Variants in CDH5 observed in about 807,000 individuals in gnomAD.
CDH5 encodes the protein cadherin-5.
Under a neutral mutation model 62.0 loss-of-function variants are expected in CDH5, and 28 were observed. The observed-to-expected ratio is 0.45, with a 90% CI of 0.33 to 0.62. The LOEUF is 0.62. CDH5 is among the 20% of genes least tolerant of loss of function. The pLI is 0.02. For missense variants in CDH5, 940 were observed against 1,065.1 expected, an observed-to-expected ratio of 0.88 and a Z score of 1.63; for synonymous variants, 464 against 445.8, an observed-to-expected ratio of 1.04 and a Z score of -0.52.
At position 66,386,701 on chromosome 16, in the gene CDH5, C is replaced by CATGATCTAACT. The variant is rs1960988926; in HGVS notation, c.211-108_211-107insATGATCTAACT. The CATGATCTAACT allele has an allele frequency of 5.2e-5, 51 of 976,104 alleles. No homozygotes were observed. The African/African-American group carries it at 7.0e-4, about 13-fold the overall frequency. 60.5% of individuals were successfully genotyped at this position (976,104 alleles called of 1,614,324 possible). On this transcript the variant is annotated intron_variant, in intron 2 of 11. Transcript: ENST00000341529. ...GGGACCCTGGCCAGCACCACACACA[C>CATGATCTAACT]CACATACACACATGCACAGGCACAC...
Position 66,387,022 on chromosome 16 carries a change from C to A in CDH5, c.424C>A (p.His142Asn). Residue 142 changes from histidine (H) to asparagine (N), a missense_variant, in exon 3 of 12, where the codon CAT becomes AAT. Coordinates refer to ENST00000341529, the MANE Select transcript of CDH5 (RefSeq NM_001795.5). ...ETPSSFTIKV[H>N]DVNDNWPVFT... The stretch of plus-strand genomic sequence containing the variant: ...TCCTTCCAGCTTCACCATCAAAGTT[C>A]ATGACGTGAACGACAACTGGCCTGT... The A allele has an allele frequency of 6.2e-7, 1 of 1,614,206 alleles. No homozygotes were observed.
chr16:66,402,675 C>G lies in CDH5; in HGVS notation c.1861C>G (p.Arg621Gly), dbSNP rs201864402. Residue 621 changes from arginine to glycine, a missense_variant, in exon 12 of 12, where the codon CGG (arginine) becomes GGG (glycine). Physicochemically the swap from Arg to Gly is moderately radical, Grantham distance 125. Transcript: ENST00000341529. ...AGTGATCACCCTGCTCATCTTCCTGCGGCGGCGGCTCCGGAAGCAGGCCCG... is the reference window on the plus strand; with the variant it reads ...AGTGATCACCCTGCTCATCTTCCTGGGGCGGCGGCTCCGGAAGCAGGCCCG... ...ITVITLLIFL[R>G]RRLRKQARAH... The G allele has an allele frequency of 4.4e-6, 7 of 1,600,822 alleles. No homozygotes were observed. Among genetic ancestry groups the G allele is most frequent in the Non-Finnish European group, 6.0e-6 (7 of 1,175,186 alleles).
rs1193584745 is a variant in CDH5, at chr16:66,392,261, T to A, written c.1095T>A (p.Asp365Glu). The change falls in exon 7 of 12, where the codon GAT becomes GAA. Residue 365 changes from aspartate (D) to glutamate (E), a missense_variant. Transcript: ENST00000341529. ...CCCAGGTCATTATCAACATCACAGATGTGGACGAGCCCCCCATTTTCCAGC... is the reference window on the plus strand; with the variant it reads ...CCCAGGTCATTATCAACATCACAGAAGTGGACGAGCCCCCCATTTTCCAGC... ...NRAQVIINITDVDEPPIFQQP... is the reference protein window; with the variant it reads ...NRAQVIINITEVDEPPIFQQP... The A allele has an allele frequency of 6.2e-7, 1 of 1,613,920 alleles. No individual in the cohort carries two copies. Among genetic ancestry groups the A allele is most frequent in the Non-Finnish European group, 8.5e-7 (1 of 1,180,010 alleles).
Position 66,389,531 on chromosome 16 carries a change from C to T in CDH5, c.781+9C>T. The T allele has an allele frequency of 1.9e-6, 3 of 1,575,544 alleles. No homozygotes were observed. Among genetic ancestry groups the T allele is most frequent in the Middle Eastern group, 1.8e-4 (1 of 5,638 alleles). ...CCCCTTCTTCACCCAGAGTGAGCCC[C>T]TCCTCTAGGGCCCTGGGAAGGGGGG... is the stretch of plus-strand genomic sequence containing the variant. On this transcript the variant is annotated intron_variant, in intron 5 of 11. Coordinates refer to ENST00000341529, the MANE Select transcript of CDH5 (RefSeq NM_001795.5).
At chr16:66,378,139 A>G (rs1047368817) in intron 1 of CDH5, among the ~76,000 whole-genome samples, 2 of 152,206 alleles carry the variant, frequency 1.3e-5, no homozygotes, top group Non-Finnish European at 2.9e-5. Context: ...GCTGGCCCTC[A>G]GGGTTAAGAC....
In CDH5 at chr16:66,403,697, A is replaced by C; in HGVS notation, c.*528A>C. On this transcript the variant is annotated 3_prime_UTR_variant, in exon 12 of 12. Transcript: ENST00000341529. The surrounding 1 kb of genome is among the most constrained non-coding windows in gnomAD (Gnocchi z 4.3). ...GGAGCCCTAGCCCTGCTCCAACTCC[A>C]TACTCCACTCCAAGTGCCCCACCAC... 1 of 162,022 alleles carries C rather than the reference A, an allele frequency of 6.2e-6. No individual in the cohort carries two copies. 10.0% of individuals were successfully genotyped at this position (162,022 alleles called of 1,614,324 possible).
At chr16:66,377,008 C>T (rs116684476) in intron 1 of CDH5, among the ~76,000 whole-genome samples, 91 of 152,290 alleles carry the variant, frequency 6.0e-4, no homozygotes, top group African/African-American at 2.1e-3. Flanking sequence ...CCCTGTTTCT[C>T]GTTTTCACTT....
intron 1 of CDH5, among the ~76,000 whole-genome samples, chr16:66,378,851 G>A (rs1352621240): frequency 6.6e-6 from 1 of 152,242 alleles, no homozygotes; most frequent in African/African-American, 2.4e-5. Flanking sequence ...AGCAGACAGT[G>A]AAGGATGAAG....
intron 1 of CDH5, among the ~76,000 whole-genome samples, chr16:66,374,948 T>A (rs1960758509): frequency 6.6e-6 from 1 of 151,338 alleles, no homozygotes; most frequent in South Asian, 2.1e-4. Flanking sequence ...CCCTCCCCTC[T>A]CCCCCCACCC....
chr16:66,367,876 G>A (rs1004553458), intron 1 of CDH5, among the ~76,000 whole-genome samples: 23 of 152,264 alleles, frequency 1.5e-4, no homozygotes, highest in African/African-American at 5.5e-4. Flanking sequence ...CTGGTGCTGG[G>A]AATGGCACAT....
intron 1 of CDH5, among the ~76,000 whole-genome samples, chr16:66,367,605 C>A (rs566946644): frequency 5.3e-5 from 8 of 152,288 alleles, no homozygotes; most frequent in Non-Finnish European, 1.2e-4. Flanking sequence ...GGAAAGTTAC[C>A]CAGAGTTTCC....
At chr16:66,387,150 G>A in intron 3 of CDH5, 53 bp downstream of exon 3, 1 of 1,538,366 alleles carries the variant, frequency 6.5e-7, no homozygotes, top group East Asian at 2.3e-5. Context: ...CAGCCTGGGG[G>A]CACCTCTCAC....
chr16:66,388,532 C>G lies in CDH5; in HGVS notation c.616+92C>G. On this transcript the variant is annotated intron_variant, in intron 4 of 11. Coordinates refer to ENST00000341529, the MANE Select transcript of CDH5 (RefSeq NM_001795.5). Reference sequence around the variant, plus strand: ...GTGCATGTGCTAAGGGAAGTCCAGTCTGACAGGTGTCACTAGCTACTGAAC... The same window carrying G: ...GTGCATGTGCTAAGGGAAGTCCAGTGTGACAGGTGTCACTAGCTACTGAAC... 7.4e-6 allele frequency: 6 copies of G among 810,476 alleles called. No individual in the cohort carries two copies. The South Asian group carries it at 9.0e-5, about 12-fold the overall frequency. The allele number at this position is 810,476 out of a possible 1,614,324, so 50.2% of individuals were successfully genotyped here.
chr16:66,388,603 C>T (rs567713946), intron 4 of CDH5, among the ~76,000 whole-genome samples, 163 bp downstream of exon 4: 9 of 152,218 alleles, frequency 5.9e-5, no homozygotes, highest in East Asian at 1.9e-4. Context: ...AAAGACAAGG[C>T]GGCTGGTCAA....
intron 1 of CDH5, among the ~76,000 whole-genome samples, chr16:66,373,086 G>T (rs1303040025): frequency 6.6e-6 from 1 of 152,142 alleles, no homozygotes; most frequent in Non-Finnish European, 1.5e-5. Context: ...GCTCAGCTGG[G>T]AATTTCTGAA....
chr16:66,386,280 G>A (rs1297376123), intron 2 of CDH5, among the ~76,000 whole-genome samples: 2 of 150,356 alleles, frequency 1.3e-5, no homozygotes, highest in Non-Finnish European at 3.0e-5. Context: ...TTTTTTTTTG[G>A]CTTTTTAAAA....
At chr16:66,393,391 G>A (rs1279558210) in intron 7 of CDH5, among the ~76,000 whole-genome samples, 1 of 152,162 alleles carries the variant, frequency 6.6e-6, no homozygotes, top group Non-Finnish European at 1.5e-5. Flanking sequence ...GAAGTATAGT[G>A]GCTTCTCCTT....
Position 66,379,331 on chromosome 16 carries a change from TG to T in CDH5, c.-4del, listed in dbSNP as rs752506427. ...CCTCTTTCCCCAGATCTGTTCCTCC[TG>T]GGAAGATGCAGAGGCTCATGATGCT... On this transcript the variant is annotated 5_prime_UTR_variant, in exon 2 of 12. Coordinates refer to ENST00000341529, the MANE Select transcript of CDH5 (RefSeq NM_001795.5). 1.2e-6 allele frequency: 2 copies of T among 1,603,880 alleles called. No homozygotes were observed. Among genetic ancestry groups the T allele is most frequent in the Admixed American group, 3.4e-5 (2 of 59,680 alleles).
At chr16:66,375,468 TG>T (rs1960767984) in intron 1 of CDH5, among the ~76,000 whole-genome samples, 1 of 151,812 alleles carries the variant, frequency 6.6e-6, no homozygotes, top group South Asian at 2.1e-4. Context: ...AGTTTGAGGC[TG>T]CAGTGAGCCG....
Sources: gnomAD v4.1 joint callset for allele counts (sites outside exome capture counted in the v4.1 genomes callset) on GRCh38, gnomAD v4.1.1 for gene constraint, Gnocchi (gnomAD v3.1) non-coding constraint, MANE v1.5 for transcripts, NCBI Gene and HGNC (gene_info 2026-07-23, HGNC 2026-07-21) for gene names.